Variants in PLAAT5 observed in about 807,000 individuals in gnomAD.
PLAAT5 encodes the protein phospholipase A and acyltransferase 5.
In PLAAT5, 27 loss-of-function variants were observed where a neutral mutation model predicts 27.8. The observed-to-expected ratio is 0.97, with a 90% CI of 0.72 to 1.34. The LOEUF (loss-of-function observed/expected upper bound fraction) is 1.34, where lower values mean the gene tolerates loss of function less well. Among genes scored for constraint, PLAAT5 ranks in the 40% most tolerant of loss-of-function variants. The pLI, the probability that PLAAT5 is intolerant of heterozygous loss-of-function variation, is 0.00. For missense variants in PLAAT5, 368 were observed against 343.8 expected (o/e 1.07, Z -0.56); for synonymous variants, 125 against 136.1 (o/e 0.92, Z 0.57).
intron 3 of PLAAT5, among the ~76,000 whole-genome samples, chr11:63,483,175 C>T (rs1257842323): frequency 6.7e-6 from 1 of 150,036 alleles, no homozygotes; most frequent in African/African-American, 2.5e-5. Flanking sequence ...CTTCAGTACT[C>T]CACTGACAGC....
chr11:63,490,259 T>G lies in PLAAT5; in HGVS notation c.223A>C (p.Arg75=). Residue 75 remains arginine, a synonymous_variant, in exon 2 of 6, where the codon AGA becomes CGA. Transcript: ENST00000540857. ...QPPPGTLEQG[R]SIQQGEKAVV... The stretch of plus-strand genomic sequence containing the variant: ...TCTTCTTACCCTTGCTGGATGCTTC[T>G]GCCCTGTTCTAATGTGCCCGGCGGA... The G allele has an allele frequency of 6.2e-7, 1 of 1,614,242 alleles. No individual in the cohort carries two copies. The highest frequency in any genetic ancestry group is 8.5e-7 in the Non-Finnish European group (1 of 1,180,044).
At chr11:63,466,087 C>G in intron 5 of PLAAT5, 23 bp downstream of exon 5, 3 of 1,607,106 alleles carry the variant, frequency 1.9e-6, no homozygotes, top group Non-Finnish European at 2.6e-6. Flanking sequence ...AAGAAGCCAT[C>G]ATCAGAGCAA....
In PLAAT5 at chr11:63,490,877, TG is replaced by T; in HGVS notation, c.148+9del. On this transcript the variant is annotated intron_variant, in intron 1 of 5. Transcript: ENST00000540857. Reference sequence around the variant, plus strand: ...GCGGATTGTCCTTCAGCCGCATTCTTGGGGCTGACCTGAGTGGGGCACAGCT... The same window carrying T: ...GCGGATTGTCCTTCAGCCGCATTCTTGGGCTGACCTGAGTGGGGCACAGCT... 1 of 1,598,154 alleles carries T rather than the reference TG, an allele frequency of 6.3e-7. No individual in the cohort carries two copies. The highest frequency in any genetic ancestry group is 1.7e-5 in the Admixed American group (1 of 57,838).
At chr11:63,476,279 A>T (rs1450694987) in intron 3 of PLAAT5, among the ~76,000 whole-genome samples, 3 of 152,134 alleles carry the variant, frequency 2.0e-5, no homozygotes, top group African/African-American at 7.2e-5. Flanking sequence ...ATATATTTAG[A>T]TTCTTCTGTA....
At chr11:63,469,103 C>CGTGTGTGTGTGTGTGTGT (rs34013443) in intron 3 of PLAAT5, among the ~76,000 whole-genome samples, 1 of 134,350 alleles carries the variant, frequency 7.4e-6, no homozygotes, top group Admixed American at 7.5e-5. Context: ...TCTCTATTAT[C>CGTGTGTGTGTGTGTGTGT]GTGTGTGTGT....
chr11:63,464,534 G>A (rs1175367051), intron 5 of PLAAT5, among the ~76,000 whole-genome samples: 1 of 151,834 alleles, frequency 6.6e-6, no homozygotes, highest in Non-Finnish European at 1.5e-5. Context: ...CGTGCACCTG[G>A]AGTCCCAGCT....
chr11:63,463,673 C>T, intron 5 of PLAAT5, 78 bp from the exon 6 acceptor site: 1 of 1,104,960 alleles, frequency 9.1e-7, no homozygotes, highest in Non-Finnish European at 1.4e-6. Context: ...CCCCACCATA[C>T]CCATTCAGCA....
At chr11:63,483,823 A>ATG (rs2016362138) in intron 3 of PLAAT5, among the ~76,000 whole-genome samples, 2 of 115,374 alleles carry the variant, frequency 1.7e-5, no homozygotes, top group African/African-American at 6.0e-5. Flanking sequence ...ATATATATAT[A>ATG]TATATATATA....
chr11:63,474,328 C>G (rs2016103067), intron 3 of PLAAT5, among the ~76,000 whole-genome samples: 3 of 152,114 alleles, frequency 2.0e-5, no homozygotes, highest in African/African-American at 7.2e-5. Flanking sequence ...GCCATCTGGG[C>G]ATGAGATTTT....
In PLAAT5 at chr11:63,466,285, C is replaced by T; in HGVS notation, c.542G>A (p.Gly181Asp). ...KYSRLEDVLH[G>D]CSWKVNNKLD... is the part of the protein sequence containing the mutation. ...CTTGTTATTGACCTTCCAGGAGCAG[C>T]CATGCAGCACATCCTCCAGACGACT... Residue 181 changes from glycine (G) to aspartate (D), a missense_variant, in exon 5 of 6, where the codon GGC becomes GAC. Coordinates refer to ENST00000540857, the MANE Select transcript of PLAAT5 (RefSeq NM_001146729.2). The T allele has an allele frequency of 6.2e-7, 1 of 1,614,162 alleles. No homozygotes were observed. The highest frequency in any genetic ancestry group is 2.2e-5 in the East Asian group (1 of 44,884).
Position 63,466,338 on chromosome 11 carries a change from G to A in PLAAT5, c.489C>T (p.Ile163=). The part of the protein sequence containing the change: ...EEFEVGSITS[I]FSNRAVVKYS... ...ATTTCACCACGGCCCGATTGCTAAA[G>A]ATGGAAGTAATGCTGCCCACCTCAA... The change falls in exon 5 of 6, where the codon ATC becomes ATT. Residue 163 remains isoleucine, a synonymous_variant. Coordinates refer to ENST00000540857, the MANE Select transcript of PLAAT5 (RefSeq NM_001146729.2). The A allele has an allele frequency of 6.2e-7, 1 of 1,614,136 alleles. No individual in the cohort carries two copies. Among genetic ancestry groups the A allele is most frequent in the Non-Finnish European group, 8.5e-7 (1 of 1,180,022 alleles).
rs1046680204 is a variant in PLAAT5 at position 63,472,247 on chromosome 11, A to G, written c.346-3782T>C. Among the ~76,000 whole-genome samples, 16 of 152,238 alleles carry G rather than the reference A, an allele frequency of 1.1e-4. 1 individual carries two copies. The highest frequency in any genetic ancestry group is 9.8e-4 in the Admixed American group (15 of 15,286). On this transcript the variant is annotated intron_variant, in intron 3 of 5. Transcript: ENST00000540857. The stretch of plus-strand genomic sequence containing the variant: ...AAAAAAACAGCCCAAACAGCCATCA[A>G]TAAGGACCAGTTAAGTAAATAATCC...
At chr11:63,473,662 T>C (rs1199718428) in intron 3 of PLAAT5, among the ~76,000 whole-genome samples, 15 of 152,016 alleles carry the variant, frequency 9.9e-5, no homozygotes, top group Admixed American at 9.2e-4. Context: ...GAGATGATCA[T>C]ATGATTTTTG....
Position 63,491,134 on chromosome 11 carries a change from C to G in PLAAT5, c.-100G>C, listed in dbSNP as rs1464044709. On this transcript the variant is annotated 5_prime_UTR_variant, in exon 1 of 6. Transcript: ENST00000540857. ...CCCCTGGTCGGCGGAGCCGCGGAAG[C>G]TTGGGCACTGGGGGCGGCTCGGGGA... The G allele has an allele frequency of 6.4e-6, 7 of 1,092,952 alleles. No homozygotes were observed. The South Asian group carries it at 1.6e-4, about 24-fold the overall frequency. The allele number at this position is 1,092,952 out of a possible 1,614,324, so 67.7% of individuals were successfully genotyped here.
At chr11:63,478,300 T>C (rs2016199192) in intron 3 of PLAAT5, among the ~76,000 whole-genome samples, 2 of 151,298 alleles carry the variant, frequency 1.3e-5, no homozygotes, top group South Asian at 4.2e-4. Flanking sequence ...ACTTCCACTG[T>C]TCTTTCTGAG....
intron 2 of PLAAT5, among the ~76,000 whole-genome samples, chr11:63,489,600 T>C (rs1217057760): frequency 6.6e-6 from 1 of 152,260 alleles, no homozygotes. Context: ...GCTTTCATGA[T>C]TGCTGTCCCA....
intron 1 of PLAAT5, 57 bp from the exon 2 acceptor site, chr11:63,490,390 C>T: frequency 6.2e-7 from 1 of 1,613,012 alleles, no homozygotes; most frequent in Admixed American, 1.7e-5. Flanking sequence ...CGAGCAAGCA[C>T]CTTGACCGCT....
At chr11:63,484,080 T>G (rs1490558235) in intron 3 of PLAAT5, among the ~76,000 whole-genome samples, 1 of 145,780 alleles carries the variant, frequency 6.9e-6, no homozygotes, top group Non-Finnish European at 1.5e-5. Context: ...CTAGATTAAA[T>G]CAGGAAGAAA....
Position 63,461,511 on chromosome 11 carries a change from A to C in PLAAT5, c.*1992T>G, listed in dbSNP as rs889462401. 6.6e-6 allele frequency: 1 copy of C among 152,184 alleles called. No homozygotes were observed. The highest frequency in any genetic ancestry group is 1.5e-5 in the Non-Finnish European group (1 of 68,030). The allele number at this position is 152,184 out of a possible 1,614,324, so 9.4% of individuals were successfully genotyped here. On this transcript the variant is annotated 3_prime_UTR_variant, in exon 6 of 6. Coordinates refer to ENST00000540857, the MANE Select transcript of PLAAT5 (RefSeq NM_001146729.2). ...GAGTGGGCATGTGCTTTATTATATCAACAAGACTAAGAAGCCGCACCCGAG... is the reference window on the plus strand; with the variant it reads ...GAGTGGGCATGTGCTTTATTATATCCACAAGACTAAGAAGCCGCACCCGAG...
Sources: gnomAD v4.1 joint callset for allele counts (sites outside exome capture counted in the v4.1 genomes callset) on GRCh38, gnomAD v4.1.1 for gene constraint, MANE v1.5 for transcripts, NCBI Gene and HGNC (gene_info 2026-07-23, HGNC 2026-07-21) for gene names.